Variants in FBN1 observed in about 807,000 individuals in gnomAD.
The protein encoded by FBN1 is fibrillin-1.
FBN1 carries 29 observed loss-of-function variants against 365.1 expected under a neutral mutation model. That is an observed-to-expected ratio of 0.08 (90% confidence interval 0.06 to 0.11). The LOEUF (loss-of-function observed/expected upper bound fraction) is 0.11, where lower values mean the gene tolerates loss of function less well. FBN1 is among the 10% of genes least tolerant of loss of function. The pLI, the probability that FBN1 is intolerant of heterozygous loss-of-function variation, is 1.00. For missense variants in FBN1, 2,476 were observed against 3,703.2 expected (o/e 0.67, Z 8.60); for synonymous variants, 1,210 against 1,270.5 (o/e 0.95, Z 1.01).
rs1213357286 is a variant in FBN1 at position 48,564,585 on chromosome 15, A to G, written c.539-26777T>C. Among the ~76,000 whole-genome samples, 7 of 152,146 alleles carry G rather than the reference A, an allele frequency of 4.6e-5. No individual in the cohort carries two copies. In the South Asian group the frequency reaches 6.2e-4, roughly 14 times the overall value. On this transcript the variant is annotated intron_variant, in intron 6 of 65. Coordinates refer to ENST00000316623, the MANE Select transcript of FBN1 (RefSeq NM_000138.5). ...TAATATAAAATTAATTTAATTAATT[A>G]AAAAGCAAAAATCCCAGGTGGCCCT... is the stretch of plus-strand genomic sequence containing the variant.
At chr15:48,589,014 C>T (rs976997053) in intron 6 of FBN1, among the ~76,000 whole-genome samples, 3 of 152,306 alleles carry the variant, frequency 2.0e-5, no homozygotes, top group South Asian at 2.1e-4. Flanking sequence ...AGCAATTTAT[C>T]GTGGCAGAAA....
chr15:48,425,616 G>A (rs2042973186), intron 59 of FBN1, 123 bp downstream of exon 59: 10 of 1,537,378 alleles, frequency 6.5e-6, no homozygotes, highest in Middle Eastern at 3.4e-4. Flanking sequence ...TGTAGACTTT[G>A]ATGATTGTCC....
intron 2 of FBN1, among the ~76,000 whole-genome samples, chr15:48,631,023 C>T (rs1439928281): frequency 6.6e-6 from 1 of 152,160 alleles, no homozygotes; most frequent in Non-Finnish European, 1.5e-5. Flanking sequence ...TTAACCAGAG[C>T]TGGCATGTAG....
At chr15:48,564,823 T>A (rs531307595) in intron 6 of FBN1, among the ~76,000 whole-genome samples, 26 of 152,044 alleles carry the variant, frequency 1.7e-4, no homozygotes, top group African/African-American at 6.3e-4. Flanking sequence ...ATGGGGGAGG[T>A]ATCTCAGAGA....
chr15:48,472,567 G>A lies in FBN1; in HGVS notation c.4320C>T (p.Asp1440=), dbSNP rs375157552. The stretch of plus-strand genomic sequence containing the variant: ...ATCAGTTACCTTCACAGGCTTTCCC[G>A]TCAGCACTGGGCACGAAGCCCATGT... The part of the protein sequence containing the change: ...ECDMGFVPSA[D]GKACEDIDEC... Residue 1440 remains aspartate, a synonymous_variant, in exon 35 of 66, where the codon GAC becomes GAT. Coordinates refer to ENST00000316623, the MANE Select transcript of FBN1 (RefSeq NM_000138.5). The A allele has an allele frequency of 8.1e-6, 13 of 1,613,144 alleles. No homozygotes were observed. Among genetic ancestry groups the A allele is most frequent in the African/African-American group, 5.4e-5 (4 of 74,622 alleles).
At position 48,523,328 on chromosome 15, in the gene FBN1, T is replaced by C. The variant is rs551586491; in HGVS notation, c.989-2511A>G. Among the ~76,000 whole-genome samples, 24 of 152,342 alleles carry C rather than the reference T, an allele frequency of 1.6e-4. No homozygotes were observed. In the South Asian group the frequency reaches 4.4e-3, roughly 28 times the overall value. On this transcript the variant is annotated intron_variant, in intron 9 of 65. Transcript: ENST00000316623. ...GCTTAATGGGCTAATGTCTATTATT[T>C]TGCAAATCAACTATGATACCATGTT...
chr15:48,592,700 A>G (rs182352140), intron 6 of FBN1, among the ~76,000 whole-genome samples: 7 of 152,362 alleles, frequency 4.6e-5, no homozygotes, highest in African/African-American at 1.7e-4. Context: ...TGGTTAAAAA[A>G]AATAAAGACA....
Position 48,434,605 on chromosome 15 carries a change from A to T in FBN1, c.6605T>A (p.Met2202Lys), listed in dbSNP as rs2043050244. Reference protein sequence around the residue: ...CEEGFEPGPMMTCEDINECAQ... With the variant: ...CEEGFEPGPMKTCEDINECAQ... The stretch of plus-strand genomic sequence containing the variant: ...TTTAAGAGATGTACCTTCACATGTC[A>T]TCATTGGACCGGGCTCAAATCCCTC... Residue 2202 changes from methionine (M) to lysine (K), a missense_variant, in exon 54 of 66, where the codon ATG (methionine) becomes AAG (lysine). This residue lies in a region of FBN1 where 1,780 missense variants were observed against 2,840.8 expected (regional missense o/e 0.63). Transcript: ENST00000316623. 4 of 1,613,782 alleles carry T rather than the reference A, an allele frequency of 2.5e-6. No homozygotes were observed. The highest frequency in any genetic ancestry group is 3.4e-6 in the Non-Finnish European group (4 of 1,179,734).
chr15:48,474,563 C>T lies in FBN1; in HGVS notation c.4052G>A (p.Ser1351Asn), dbSNP rs1296505029. 1.2e-6 allele frequency: 2 copies of T among 1,614,084 alleles called. No individual in the cohort carries two copies. The highest frequency in any genetic ancestry group is 2.7e-5 in the African/African-American group (2 of 74,932). Residue 1351 changes from serine to asparagine, a missense_variant, in exon 33 of 66, where the codon AGT (serine) becomes AAT (asparagine). By Grantham distance (46) the Ser-to-Asn change is conservative (BLOSUM62 1). Coordinates refer to ENST00000316623, the MANE Select transcript of FBN1 (RefSeq NM_000138.5). ...AATGCCATCTCCAATCCACCCGGGA[C>T]TGCAGCTACATTTGAAGCTTCCTGC... ...NTAGSFKCSC[S>N]PGWIGDGIKC...
intron 2 of FBN1, among the ~76,000 whole-genome samples, chr15:48,629,010 G>T (rs1889937292): frequency 6.6e-6 from 1 of 152,204 alleles, no homozygotes; most frequent in Admixed American, 6.5e-5. Context: ...CCACTGGAAT[G>T]CAGTCATCAC....
At chr15:48,583,425 G>C (rs2044411271) in intron 6 of FBN1, among the ~76,000 whole-genome samples, 2 of 152,156 alleles carry the variant, frequency 1.3e-5, no homozygotes, top group Non-Finnish European at 2.9e-5. Flanking sequence ...GGTTCCATGA[G>C]TAAAAGCATC....
chr15:48,515,361 G>A (rs1215999670), intron 12 of FBN1, 26 bp downstream of exon 12: 3 of 1,613,468 alleles, frequency 1.9e-6, no homozygotes, highest in African/African-American at 1.3e-5. Context: ...CAGACCCTTG[G>A]TGCCAACCTA....
intron 6 of FBN1, among the ~76,000 whole-genome samples, chr15:48,553,502 C>G (rs924658902): frequency 6.6e-6 from 1 of 152,090 alleles, no homozygotes; most frequent in Non-Finnish European, 1.5e-5. Flanking sequence ...AATAGGGTAA[C>G]GGTACTGACA....
chr15:48,419,455 T>C (rs2042924332), intron 63 of FBN1, among the ~76,000 whole-genome samples: 1 of 152,136 alleles, frequency 6.6e-6, no homozygotes, highest in South Asian at 2.1e-4. Context: ...ATCAACAAAG[T>C]TCACTCTGGA....
chr15:48,516,051 C>T, intron 11 of FBN1, 132 bp downstream of exon 11: 1 of 895,950 alleles, frequency 1.1e-6, no homozygotes, highest in Non-Finnish European at 1.7e-6. Context: ...ATATAGATAA[C>T]ATTATGTAAA....
chr15:48,524,222 C>T (rs1404456400), intron 9 of FBN1, among the ~76,000 whole-genome samples: 1 of 152,144 alleles, frequency 6.6e-6, no homozygotes, highest in East Asian at 1.9e-4. Context: ...ACTAAAAGAG[C>T]TTAGAACACA....
At chr15:48,552,882 A>C (rs2044154148) in intron 6 of FBN1, among the ~76,000 whole-genome samples, 1 of 152,224 alleles carries the variant, frequency 6.6e-6, no homozygotes, top group African/African-American at 2.4e-5. Flanking sequence ...ACCCAAATGC[A>C]AATGAGAATT....
chr15:48,520,965 G>T, intron 9 of FBN1, 148 bp from the exon 10 acceptor site: 3 of 1,056,908 alleles, frequency 2.8e-6, no homozygotes, highest in Non-Finnish European at 4.2e-6. Context: ...AGCTGCGAGC[G>T]CTGCACAGGA....
At chr15:48,638,581 T>C (rs1282924077) in intron 2 of FBN1, among the ~76,000 whole-genome samples, 2 of 151,530 alleles carry the variant, frequency 1.3e-5, no homozygotes, top group Non-Finnish European at 2.9e-5. Flanking sequence ...AAGGAATTAG[T>C]ATTTGCAAAG....
Sources: gnomAD v4.1 joint callset for allele counts (sites outside exome capture counted in the v4.1 genomes callset) on GRCh38, gnomAD v4.1.1 for gene constraint, gnomAD v4.1.1 regional missense constraint, MANE v1.5 for transcripts, NCBI Gene and HGNC (gene_info 2026-07-23, HGNC 2026-07-21) for gene names.